DENND2B: variants seen among roughly 807,000 people sequenced by gnomAD.
DENND2B encodes DENN domain containing 2B.
DENND2B carries 32 observed loss-of-function variants against 116.0 expected under a neutral mutation model. That is an observed-to-expected ratio of 0.28 (90% confidence interval 0.21 to 0.37). The LOEUF is 0.37. DENND2B is among the 10% of genes least tolerant of loss of function. DENND2B has a pLI of 1.00. For synonymous variants in DENND2B, 588 were observed against 583.9 expected (o/e 1.01, Z -0.10); for missense variants, 1,276 against 1,477.7 (o/e 0.86, Z 2.24).
intron 1 of DENND2B, among the ~76,000 whole-genome samples, chr11:8,770,948 CCTCT>C: frequency 6.6e-6 from 1 of 152,198 alleles, no homozygotes; most frequent in Non-Finnish European, 1.5e-5. Flanking sequence ...CATCTCCTAG[CCTCT>C]CTGATAGCAC....
At chr11:8,717,281 T>C (rs968295169) in intron 5 of DENND2B, among the ~76,000 whole-genome samples, 2 of 152,272 alleles carry the variant, frequency 1.3e-5, no homozygotes, top group African/African-American at 4.8e-5. Flanking sequence ...GCTCTCCAAA[T>C]GTGGTTTGGG....
chr11:8,901,778 G>C (rs1343550125), intron 1 of DENND2B, among the ~76,000 whole-genome samples: 2 of 152,136 alleles, frequency 1.3e-5, no homozygotes, highest in Non-Finnish European at 2.9e-5. Context: ...TCCCCAAATT[G>C]TCTATTGTTG....
intron 4 of DENND2B, among the ~76,000 whole-genome samples, chr11:8,825,263 C>T (rs1417265361): frequency 6.6e-6 from 1 of 152,124 alleles, no homozygotes; most frequent in Non-Finnish European, 1.5e-5. Flanking sequence ...ATTTGCATTT[C>T]TCTAATGATC....
At chr11:8,878,712 T>C (rs116159248) in intron 2 of DENND2B, among the ~76,000 whole-genome samples, 260 of 152,298 alleles carry the variant, frequency 1.7e-3, no homozygotes, top group African/African-American at 5.0e-3. Flanking sequence ...GGTGTATCTA[T>C]ACAGTGGAAT....
intron 4 of DENND2B, among the ~76,000 whole-genome samples, chr11:8,724,803 A>G (rs2046816855): frequency 6.6e-6 from 1 of 152,244 alleles, no homozygotes; most frequent in Non-Finnish European, 1.5e-5. Flanking sequence ...GGGCAGAGGC[A>G]GATTTGTTTC....
chr11:8,897,542 G>C (rs1001406374), intron 1 of DENND2B, among the ~76,000 whole-genome samples: 1 of 152,140 alleles, frequency 6.6e-6, no homozygotes, highest in Non-Finnish European at 1.5e-5. Flanking sequence ...TATCATTGCT[G>C]GCTGAAACTG....
Position 8,712,289 on chromosome 11 carries a change from T to A in DENND2B, c.2172+262A>T, listed in dbSNP as rs908057503. Among the ~76,000 whole-genome samples, 1 of 152,206 alleles carries A rather than the reference T, an allele frequency of 6.6e-6. No homozygotes were observed. The highest frequency in any genetic ancestry group is 2.4e-5 in the African/African-American group (1 of 41,466). On this transcript the variant is annotated intron_variant, in intron 9 of 19. Transcript: ENST00000313726. This position sits in a 1 kb window ranked among gnomAD's most constrained non-coding sequence, Gnocchi z 4.4. The stretch of plus-strand genomic sequence containing the variant: ...GTATACATTAAGTGGGTGAACTGTA[T>A]GGTATTCAATTGTTCTGGATTTTAT...
At chr11:8,864,916 C>T (rs1023567893) in intron 2 of DENND2B, among the ~76,000 whole-genome samples, 37 of 152,174 alleles carry the variant, frequency 2.4e-4, no homozygotes, top group African/African-American at 8.4e-4. Flanking sequence ...GCTAAATTTA[C>T]ATCCAAGATC....
chr11:8,879,884 T>C (rs952518315), intron 2 of DENND2B, among the ~76,000 whole-genome samples: 1 of 152,172 alleles, frequency 6.6e-6, no homozygotes, highest in African/African-American at 2.4e-5. Flanking sequence ...CAAATAAGCA[T>C]TCTAATAAAA....
In DENND2B at chr11:8,894,973, A is replaced by G. The variant is rs573229970; in HGVS notation, c.-255-13864T>C. On this transcript the variant is annotated intron_variant, in intron 1 of 22. Coordinates refer to the DENND2B transcript ENST00000534127. ...ACGTATGTTTATTGCGGCACTATTC[A>G]CAATAGCAAAGACTTGGAACCAACC... Among the ~76,000 whole-genome samples the G allele has an allele frequency of 2.6e-5, 4 of 152,306 alleles. No homozygotes were observed. The East Asian group carries it at 7.7e-4, about 29-fold the overall frequency.
intron 3 of DENND2B, among the ~76,000 whole-genome samples, chr11:8,727,900 G>GT (rs35687800): frequency 0.31 from 37,224 of 121,564 alleles, 6,870 homozygotes; most frequent in Middle Eastern, 0.5. Flanking sequence ...TTCTCCCCAG[G>GT]TTTTTTTTTT....
chr11:8,701,951 C>T (rs765113623), intron 14 of DENND2B, among the ~76,000 whole-genome samples: 8 of 152,172 alleles, frequency 5.3e-5, no homozygotes, highest in Non-Finnish European at 8.8e-5. Flanking sequence ...CCAGGCCCTG[C>T]ACATCATCTG....
intron 2 of DENND2B, among the ~76,000 whole-genome samples, chr11:8,857,623 C>T (rs1036461360): frequency 4.6e-5 from 7 of 152,236 alleles, no homozygotes; most frequent in African/African-American, 1.7e-4. Context: ...TACAAGCCAA[C>T]ATCTTTTCTG....
At chr11:8,893,082 G>C (rs935924245) in intron 1 of DENND2B, among the ~76,000 whole-genome samples, 8 of 152,170 alleles carry the variant, frequency 5.3e-5, no homozygotes, top group Admixed American at 1.3e-4. Context: ...GGGATGCAAG[G>C]CTGGTTCAAC....
intron 3 of DENND2B, among the ~76,000 whole-genome samples, chr11:8,850,450 A>G (rs1186429010): frequency 6.6e-6 from 1 of 152,156 alleles, no homozygotes; most frequent in African/African-American, 2.4e-5. Context: ...AAAATGTTCA[A>G]CATCACTAAT....
rs1555189384 is a variant in DENND2B at position 8,783,066 on chromosome 11, T to TTC, written c.-26+27450_-26+27451insGA. Among the ~76,000 whole-genome samples the TTC allele has an allele frequency of 3.0e-3, 443 of 148,210 alleles. 3 individuals are homozygous for TTC. The highest frequency in any genetic ancestry group is 0.01 in the African/African-American group (407 of 39,716). On this transcript the variant is annotated intron_variant, in intron 1 of 19. Transcript: ENST00000313726. Reference sequence around the variant, plus strand: ...CTTACCTTTTTTTTTTTTTTTTTTTTCCCAAAGAGATGGGGTCTCGCTCTA... The same window carrying TTC: ...CTTACCTTTTTTTTTTTTTTTTTTTTTCCCCAAAGAGATGGGGTCTCGCTCTA...
At chr11:8,804,463 C>A (rs1354323243) in intron 1 of DENND2B, among the ~76,000 whole-genome samples, 1 of 151,960 alleles carries the variant, frequency 6.6e-6, no homozygotes, top group South Asian at 2.1e-4. Context: ...TGTATTATTA[C>A]ACACCCAGGA....
At chr11:8,899,501 T>C (rs1292120197) in intron 1 of DENND2B, among the ~76,000 whole-genome samples, 1 of 151,960 alleles carries the variant, frequency 6.6e-6, no homozygotes, top group Non-Finnish European at 1.5e-5. Context: ...AATTAACAGA[T>C]GACTTTTTAT....
chr11:8,801,676 CA>C (rs72118090), intron 1 of DENND2B, among the ~76,000 whole-genome samples: 12 of 123,852 alleles, frequency 9.7e-5, no homozygotes, highest in Middle Eastern at 4.8e-3. Context: ...GACTTTGTCT[CA>C]AAAAAAAAAA....
Sources: allele counts gnomAD v4.1 joint callset (sites outside exome capture counted in the v4.1 genomes callset), GRCh38; gene constraint gnomAD v4.1.1; non-coding constraint Gnocchi (gnomAD v3.1); transcripts MANE v1.5; gene names NCBI Gene and HGNC (gene_info 2026-07-23, HGNC 2026-07-21).